COL8A1: variants seen among roughly 807,000 people sequenced by gnomAD.
COL8A1 encodes the protein collagen alpha-1(VIII) chain.
In COL8A1, 21 loss-of-function variants were observed where a neutral mutation model predicts 42.7. That is an observed-to-expected ratio of 0.49 (90% confidence interval 0.35 to 0.71). The LOEUF (loss-of-function observed/expected upper bound fraction) is 0.71. Ranked by LOEUF, COL8A1 falls within the 30% of genes least tolerant of loss-of-function variation. COL8A1 has a pLI of 0.01. For missense variants in COL8A1, 788 were observed against 962.4 expected (o/e 0.82, Z 2.40); for synonymous variants, 367 against 369.1 (o/e 0.99, Z 0.06).
At chr3:99,659,150 T>G (rs1029309745) in intron 1 of COL8A1, among the ~76,000 whole-genome samples, 1 of 152,232 alleles carries the variant, frequency 6.6e-6, no homozygotes, top group Non-Finnish European at 1.5e-5. Context: ...GAGCCCCCAG[T>G]TGCTTCACAT....
chr3:99,733,202 G>A (rs1307314314), intron 1 of COL8A1, among the ~76,000 whole-genome samples: 2 of 148,824 alleles, frequency 1.3e-5, no homozygotes, highest in Non-Finnish European at 3.0e-5. Context: ...CATTGTGCAG[G>A]TTAGTTACAT....
At chr3:99,786,936 T>C (rs1383235295) in intron 2 of COL8A1, among the ~76,000 whole-genome samples, 5 of 152,136 alleles carry the variant, frequency 3.3e-5, no homozygotes, top group Non-Finnish European at 7.4e-5. Flanking sequence ...TCTGAGGGTC[T>C]TGAGAGACTA....
intron 2 of COL8A1, among the ~76,000 whole-genome samples, chr3:99,758,045 T>G (rs1281369777): frequency 6.6e-6 from 1 of 152,198 alleles, no homozygotes; most frequent in African/African-American, 2.4e-5. Context: ...GGCAAAAACT[T>G]ACTTTTGCAT....
intron 1 of COL8A1, chr3:99,685,380 A>T (rs1939019537): frequency 6.6e-6 from 1 of 152,042 alleles, no homozygotes; most frequent in African/African-American, 2.4e-5. Context: ...ATTATACTGG[A>T]TAGTAAAGTT....
chr3:99,727,895 T>C (rs1240331511), intron 1 of COL8A1, among the ~76,000 whole-genome samples: 4 of 151,916 alleles, frequency 2.6e-5, no homozygotes, highest in Non-Finnish European at 4.4e-5. Context: ...AAAAACCACA[T>C]GATTATCTCA....
At chr3:99,683,756 G>A (rs1938962603) in intron 1 of COL8A1, among the ~76,000 whole-genome samples, 1 of 152,080 alleles carries the variant, frequency 6.6e-6, no homozygotes, top group African/African-American at 2.4e-5. Context: ...TACCCTGACT[G>A]TGCCACAAAC....
chr3:99,742,037 T>C (rs1940913494), intron 1 of COL8A1, among the ~76,000 whole-genome samples: 1 of 152,242 alleles, frequency 6.6e-6, no homozygotes, highest in Non-Finnish European at 1.5e-5. Flanking sequence ...TTGGTTTCTT[T>C]CATTGCTTCA....
chr3:99,677,130 T>C (rs912906402), intron 1 of COL8A1, among the ~76,000 whole-genome samples: 1 of 151,378 alleles, frequency 6.6e-6, no homozygotes, highest in African/African-American at 2.4e-5. Flanking sequence ...TAATTATATA[T>C]AAACACATCA....
In COL8A1 at chr3:99,776,959, C is replaced by T. The variant is rs189175299; in HGVS notation, c.-3-13721C>T. Among the ~76,000 whole-genome samples, 8 of 152,262 alleles carry T rather than the reference C, an allele frequency of 5.3e-5. No homozygotes were observed. In the East Asian group the frequency reaches 5.8e-4, roughly 11 times the overall value. On this transcript the variant is annotated intron_variant, in intron 2 of 3. Coordinates refer to ENST00000652472, the MANE Select transcript of COL8A1 (RefSeq NM_020351.4). The stretch of plus-strand genomic sequence containing the variant: ...CTAATGCATTATAACTAGCATGTAA[C>T]GAGCAGAGAGGAGGGCCAGAGGGCA...
At chr3:99,655,414 A>T (rs1325469996) in intron 1 of COL8A1, among the ~76,000 whole-genome samples, 1 of 152,208 alleles carries the variant, frequency 6.6e-6, no homozygotes, top group African/African-American at 2.4e-5. Context: ...ACAAGATCTT[A>T]AATTTGTTGC....
intron 1 of COL8A1, among the ~76,000 whole-genome samples, chr3:99,732,246 T>C (rs1443272388): frequency 6.6e-6 from 1 of 152,204 alleles, no homozygotes. Context: ...TTTCCTTATA[T>C]GAAGAATCCA....
intron 1 of COL8A1, among the ~76,000 whole-genome samples, chr3:99,681,067 A>G (rs1938864987): frequency 6.6e-6 from 1 of 152,234 alleles, no homozygotes; most frequent in Non-Finnish European, 1.5e-5. Flanking sequence ...ACTATTCAGG[A>G]CATAGGCATG....
At chr3:99,739,095 C>T (rs868370750) in intron 1 of COL8A1, among the ~76,000 whole-genome samples, 2 of 152,182 alleles carry the variant, frequency 1.3e-5, no homozygotes, top group African/African-American at 4.8e-5. Flanking sequence ...GTGCACGGTG[C>T]GCGCACCCAC....
At chr3:99,769,088 C>T (rs1398601215) in intron 2 of COL8A1, among the ~76,000 whole-genome samples, 2 of 152,170 alleles carry the variant, frequency 1.3e-5, no homozygotes, top group East Asian at 3.9e-4. Flanking sequence ...GAAATCCTAG[C>T]TCTGTCAATA....
At chr3:99,657,083 A>C (rs1938045776) in intron 1 of COL8A1, among the ~76,000 whole-genome samples, 1 of 152,242 alleles carries the variant, frequency 6.6e-6, no homozygotes, top group African/African-American at 2.4e-5. Flanking sequence ...ACAAATAGGA[A>C]AATGGTATAG....
rs538958402 is a variant in COL8A1, at chr3:99,653,949, G to A, written c.-129+15285G>A. Among the ~76,000 whole-genome samples, 13 of 152,152 alleles carry A rather than the reference G, an allele frequency of 8.5e-5. No homozygotes were observed. In the South Asian group the frequency reaches 2.5e-3, roughly 29 times the overall value. Reference sequence around the variant, plus strand: ...ATCACAAGGTGAAGTCCCCCAATAGGCCGTCTGCAAGCTGGGGAGCAAGGA... The same window carrying A: ...ATCACAAGGTGAAGTCCCCCAATAGACCGTCTGCAAGCTGGGGAGCAAGGA... On this transcript the variant is annotated intron_variant, in intron 1 of 3. Coordinates refer to ENST00000652472, the MANE Select transcript of COL8A1 (RefSeq NM_020351.4).
chr3:99,776,365 T>C (rs1278611645), intron 2 of COL8A1, among the ~76,000 whole-genome samples: 2 of 152,160 alleles, frequency 1.3e-5, no homozygotes, highest in African/African-American at 4.8e-5. Context: ...TGGATTGACA[T>C]TGAGGCAGAA....
chr3:99,652,945 G>A (rs1937894284), intron 1 of COL8A1, among the ~76,000 whole-genome samples: 1 of 152,140 alleles, frequency 6.6e-6, no homozygotes, highest in African/African-American at 2.4e-5. Context: ...AAGCACTGAA[G>A]TTAGCATAAG....
chr3:99,684,288 A>T (rs532345166), intron 1 of COL8A1, among the ~76,000 whole-genome samples: 2 of 152,302 alleles, frequency 1.3e-5, no homozygotes, highest in African/African-American at 4.8e-5. Flanking sequence ...ATCCCTAAAA[A>T]CAATCTTGTA....
Sources: gnomAD v4.1 joint callset for allele counts (sites outside exome capture counted in the v4.1 genomes callset) on GRCh38, gnomAD v4.1.1 for gene constraint, MANE v1.5 for transcripts, NCBI Gene and HGNC (gene_info 2026-07-23, HGNC 2026-07-21) for gene names.